The following GLIS1 variants were observed in gnomAD, a reference collection of about 807,000 sequenced individuals.
GLIS1 encodes zinc finger protein GLIS1.
In GLIS1, 24 loss-of-function variants were observed where a neutral mutation model predicts 63.8. That is an observed-to-expected ratio of 0.38 (90% CI 0.27 to 0.53). GLIS1 has a LOEUF of 0.53. Among genes scored for constraint, GLIS1 ranks in the 20% least tolerant of loss-of-function variants. The pLI is 0.85. For missense variants in GLIS1, 1,036 were observed against 1,074.1 expected (o/e 0.96, Z 0.50); for synonymous variants, 450 against 482.5 (o/e 0.93, Z 0.88).
At chr1:53,571,938 T>C (rs1338574945) in intron 4 of GLIS1, among the ~76,000 whole-genome samples, 2 of 152,190 alleles carry the variant, frequency 1.3e-5, no homozygotes, top group African/African-American at 2.4e-5. Context: ...AGTATGAGAC[T>C]ATTTTTATAA....
chr1:53,520,598 G>A (rs1450583020), intron 7 of GLIS1, 36 bp downstream of exon 7: 2 of 1,569,524 alleles, frequency 1.3e-6, no homozygotes, highest in African/African-American at 2.7e-5. Flanking sequence ...GCCCCTCCTG[G>A]GCTACGCCCC....
At chr1:53,627,255 G>A (rs1645605299) in intron 2 of GLIS1, among the ~76,000 whole-genome samples, 1 of 152,180 alleles carries the variant, frequency 6.6e-6, no homozygotes, top group Non-Finnish European at 1.5e-5. Context: ...TGGTCAGCTG[G>A]CCGATCGGGA....
intron 2 of GLIS1, among the ~76,000 whole-genome samples, chr1:53,711,241 G>C (rs970971213): frequency 6.6e-6 from 1 of 152,086 alleles, no homozygotes; most frequent in Non-Finnish European, 1.5e-5. Context: ...GCCACACCAA[G>C]CGCTTGGTGA....
chr1:53,716,780 G>C (rs1327342743), intron 2 of GLIS1, among the ~76,000 whole-genome samples: 1 of 152,044 alleles, frequency 6.6e-6, no homozygotes, highest in Non-Finnish European at 1.5e-5. Flanking sequence ...AGGCAACTAG[G>C]GGGATTTCTA....
At chr1:53,641,294 C>A (rs151121919) in intron 2 of GLIS1, among the ~76,000 whole-genome samples, 3 of 152,280 alleles carry the variant, frequency 2.0e-5, no homozygotes, top group African/African-American at 7.2e-5. Context: ...GGGATAACAA[C>A]ACCTGCCTCA....
At chr1:53,549,115 T>C (rs1216758237) in intron 4 of GLIS1, among the ~76,000 whole-genome samples, 1 of 152,232 alleles carries the variant, frequency 6.6e-6, no homozygotes, top group Non-Finnish European at 1.5e-5. Flanking sequence ...GTGTCGATAC[T>C]TCACTCTTTT....
chr1:53,594,388 T>C lies in GLIS1; in HGVS notation c.1040A>G (p.Gln347Arg). 1 of 1,611,676 alleles carries C rather than the reference T, an allele frequency of 6.2e-7. No homozygotes were observed. Among genetic ancestry groups the C allele is most frequent in the Non-Finnish European group, 8.5e-7 (1 of 1,179,054 alleles). Residue 347 changes from glutamine to arginine, a missense_variant, in exon 4 of 11, where the codon CAG becomes CGG. Coordinates refer to ENST00000628545, the MANE Select transcript of GLIS1 (RefSeq NM_001367484.1). ...QGLPPPYPLS[Q>R]LPPGPSLGGL... The stretch of plus-strand genomic sequence containing the variant: ...TCCAAGGCTTGGGCCAGGCGGCAAC[T>C]GAGACAGGGGATAGGGGGGCGGCAG...
At chr1:53,631,327 T>C (rs1645649773) in intron 2 of GLIS1, among the ~76,000 whole-genome samples, 1 of 152,246 alleles carries the variant, frequency 6.6e-6, no homozygotes, top group Non-Finnish European at 1.5e-5. Flanking sequence ...GGTGAGGATT[T>C]AACTTTATTT....
intron 2 of GLIS1, among the ~76,000 whole-genome samples, chr1:53,666,573 C>G (rs1170926794): frequency 6.6e-6 from 1 of 152,190 alleles, no homozygotes; most frequent in African/African-American, 2.4e-5. Context: ...CATCTTCAAC[C>G]CCACCTCCCA....
intron 4 of GLIS1, among the ~76,000 whole-genome samples, chr1:53,553,455 G>C (rs1225126328): frequency 2.7e-5 from 4 of 150,678 alleles, no homozygotes; most frequent in Non-Finnish European, 4.4e-5. Flanking sequence ...CCTCCAAGAA[G>C]CTAAGCATCA....
chr1:53,599,899 C>T (rs1298641740), intron 3 of GLIS1, among the ~76,000 whole-genome samples: 3 of 152,240 alleles, frequency 2.0e-5, no homozygotes, highest in African/African-American at 7.2e-5. Flanking sequence ...CAGGGAAACA[C>T]CTCAACAGAA....
intron 4 of GLIS1, among the ~76,000 whole-genome samples, chr1:53,547,103 C>T (rs1644709902): frequency 6.6e-6 from 1 of 152,238 alleles, no homozygotes; most frequent in South Asian, 2.1e-4. Flanking sequence ...TTCACCTCAC[C>T]GCTGGGGAAG....
intron 4 of GLIS1, among the ~76,000 whole-genome samples, chr1:53,569,729 A>G (rs970309700): frequency 5.3e-5 from 8 of 152,120 alleles, no homozygotes; most frequent in African/African-American, 1.9e-4. Flanking sequence ...TAGAAATAAT[A>G]AGAGAATTTG....
intron 5 of GLIS1, among the ~76,000 whole-genome samples, chr1:53,525,103 C>CGAGG (rs1644452568): frequency 6.6e-6 from 1 of 152,154 alleles, no homozygotes; most frequent in Non-Finnish European, 1.5e-5. Context: ...CCTGGGACCT[C>CGAGG]AGGTCAGTTG....
intron 4 of GLIS1, among the ~76,000 whole-genome samples, chr1:53,546,044 A>G (rs552269547): frequency 6.6e-6 from 1 of 152,372 alleles, no homozygotes; most frequent in East Asian, 1.9e-4. Context: ...GCCGAAGGGC[A>G]GGGGATACAG....
At chr1:53,532,775 A>T (rs3855968) in intron 4 of GLIS1, among the ~76,000 whole-genome samples, 22,023 of 152,238 alleles carry the variant, frequency 0.14, 3,324 homozygotes, top group East Asian at 0.5. Flanking sequence ...GAGTGCTGGA[A>T]GGTGGACCAT....
chr1:53,668,665 G>A (rs947284274), intron 2 of GLIS1, among the ~76,000 whole-genome samples: 3 of 152,038 alleles, frequency 2.0e-5, no homozygotes, highest in Non-Finnish European at 4.4e-5. Context: ...CCAGCCCTAT[G>A]TTTAGATATG....
At chr1:53,655,445 A>G (rs1054203804) in intron 2 of GLIS1, among the ~76,000 whole-genome samples, 4 of 152,196 alleles carry the variant, frequency 2.6e-5, no homozygotes, top group African/African-American at 4.8e-5. Context: ...GGTGCAAGGA[A>G]GTTCTCCGTG....
In GLIS1 at chr1:53,623,994, C is replaced by T. The variant is rs187822722; in HGVS notation, c.260-23716G>A. 5.9e-5 allele frequency among the ~76,000 whole-genome samples: 9 copies of T among 152,236 alleles called. No homozygotes were observed. The East Asian group carries it at 1.7e-3, about 29-fold the overall frequency. On this transcript the variant is annotated intron_variant, in intron 2 of 10. Coordinates refer to ENST00000628545, the MANE Select transcript of GLIS1 (RefSeq NM_001367484.1). ...CCAGATTGACCTGTAAATTTAATGC[C>T]ATCTCAACCAAGACTCCAGTAGGCT...
Sources: allele counts gnomAD v4.1 joint callset (sites outside exome capture counted in the v4.1 genomes callset), GRCh38; gene constraint gnomAD v4.1.1; transcripts MANE v1.5; gene names NCBI Gene and HGNC (gene_info 2026-07-23, HGNC 2026-07-21).